The following SEC24D variants were observed in gnomAD, a reference collection of about 807,000 sequenced individuals.
The protein encoded by SEC24D is protein transport protein Sec24D.
A neutral mutation model predicts 116.9 loss-of-function variants in SEC24D; 69 were observed. The ratio of observed to expected loss-of-function variants is 0.59; its 90% CI spans 0.49 to 0.72. The LOEUF is 0.72. Among genes scored for constraint, SEC24D ranks in the 30% least tolerant of loss-of-function variants. The pLI is 0.00. For synonymous variants in SEC24D, 405 were observed against 442.8 expected (o/e 0.91, Z 1.07); for missense variants, 1,131 against 1,264.1 (o/e 0.89, Z 1.60).
In SEC24D at chr4:118,768,165, C is replaced by T. The variant is rs769102051; in HGVS notation, c.1180+8G>A. The T allele has an allele frequency of 1.2e-6, 2 of 1,607,734 alleles. No individual in the cohort carries two copies. The highest frequency in any genetic ancestry group is 1.7e-6 in the Non-Finnish European group (2 of 1,177,560). The stretch of plus-strand genomic sequence containing the variant: ...ATTTCACAAAGAGCTTTTAATGGCA[C>T]TGCTTACCATCATTCACACAGTTGC... On this transcript the variant is annotated splice_region_variant and intron_variant, in intron 9 of 22. Transcript: ENST00000280551.
At chr4:118,820,561 C>T (rs1381277937) in intron 3 of SEC24D, among the ~76,000 whole-genome samples, 1 of 152,094 alleles carries the variant, frequency 6.6e-6, no homozygotes, top group Non-Finnish European at 1.5e-5. Context: ...TCCTCCTGCC[C>T]TAGTGTAGAA....
At chr4:118,797,102 A>AT (rs1729210537) in intron 8 of SEC24D, among the ~76,000 whole-genome samples, 1 of 152,208 alleles carries the variant, frequency 6.6e-6, no homozygotes. Context: ...TCTAGATCAA[A>AT]TACCCACTGG....
rs374007941 is a variant in SEC24D, at chr4:118,768,207, T to C, written c.1146A>G (p.Arg382=). Residue 382 remains arginine (R), a synonymous_variant, in exon 9 of 23, where the codon AGA becomes AGG. Coordinates refer to ENST00000280551, the MANE Select transcript of SEC24D (RefSeq NM_014822.4). ...PFMQFIEGGR[R]YQCGFCNCVN... is the part of the protein sequence containing the mutation. ...CACAGTTGCAAAATCCACACTGATA[T>C]CTCCTTCCTCCTTCGATGAACTGCA... 16 of 1,613,904 alleles carry C rather than the reference T, an allele frequency of 9.9e-6. No individual in the cohort carries two copies. Among genetic ancestry groups the C allele is most frequent in the Non-Finnish European group, 1.4e-5 (16 of 1,179,842 alleles).
chr4:118,767,697 C>T lies in SEC24D; in HGVS notation c.1180+476G>A, dbSNP rs1304888001. On this transcript the variant is annotated intron_variant, in intron 9 of 22. Transcript: ENST00000280551. Reference sequence around the variant, plus strand: ...TTAATAATGTTCCTTCCTCCTTAAACAATCCAACATTTACATCGGAGTGAA... The same window carrying T: ...TTAATAATGTTCCTTCCTCCTTAAATAATCCAACATTTACATCGGAGTGAA... Among the ~76,000 whole-genome samples the T allele has an allele frequency of 2.0e-5, 3 of 151,794 alleles. No homozygotes were observed. The East Asian group carries it at 5.8e-4, about 29-fold the overall frequency.
intron 8 of SEC24D, among the ~76,000 whole-genome samples, chr4:118,773,926 A>T (rs1428577592): frequency 6.6e-6 from 1 of 152,174 alleles, no homozygotes; most frequent in Non-Finnish European, 1.5e-5. Flanking sequence ...AGAATTTTTT[A>T]AATACATGTG....
chr4:118,775,970 C>T (rs1728112389), intron 8 of SEC24D, among the ~76,000 whole-genome samples: 1 of 152,134 alleles, frequency 6.6e-6, no homozygotes, highest in Non-Finnish European at 1.5e-5. Context: ...AAAAACTTCA[C>T]TCCTTAACAG....
chr4:118,792,479 G>A (rs553908073), intron 8 of SEC24D, among the ~76,000 whole-genome samples: 6 of 152,252 alleles, frequency 3.9e-5, no homozygotes, highest in Non-Finnish European at 8.8e-5. Flanking sequence ...AAGAAAGAGA[G>A]ATCAGATTGT....
chr4:118,751,807 T>TGTCC (rs1420825906), intron 13 of SEC24D, among the ~76,000 whole-genome samples, 189 bp downstream of exon 13: 2 of 152,234 alleles, frequency 1.3e-5, no homozygotes, highest in Admixed American at 6.5e-5. Flanking sequence ...AGTGCTGGAA[T>TGTCC]GGACACACTG....
At chr4:118,791,525 ACTCCCTC>A (rs917253189) in intron 8 of SEC24D, among the ~76,000 whole-genome samples, 2 of 151,630 alleles carry the variant, frequency 1.3e-5, no homozygotes, top group African/African-American at 4.9e-5. Flanking sequence ...CCTACTCCCT[ACTCCCTC>A]CTCCCTCCTC....
At position 118,744,888 on chromosome 4, in the gene SEC24D, C is replaced by T. The variant is rs2110447104; in HGVS notation, c.1824+56G>A. ...TTTTTCTTACATGAAGAACACACTGCCTCTTTAACTCCTCTTAATAATTGA... is the reference window on the plus strand; with the variant it reads ...TTTTTCTTACATGAAGAACACACTGTCTCTTTAACTCCTCTTAATAATTGA... On this transcript the variant is annotated intron_variant, in intron 14 of 22. Coordinates refer to ENST00000280551, the MANE Select transcript of SEC24D (RefSeq NM_014822.4). 5 of 932,844 alleles carry T rather than the reference C, an allele frequency of 5.4e-6. No homozygotes were observed. The South Asian group carries it at 7.1e-5, about 13-fold the overall frequency. The allele number at this position is 932,844 out of a possible 1,614,324, so 57.8% of individuals were successfully genotyped here.
intron 8 of SEC24D, among the ~76,000 whole-genome samples, chr4:118,774,156 C>T (rs916403610): frequency 1.4e-4 from 21 of 151,920 alleles, no homozygotes; most frequent in African/African-American, 5.1e-4. Context: ...TTTTAGTTTT[C>T]TTAGTTTGTT....
chr4:118,825,701 A>G, intron 2 of SEC24D: 1 of 412,018 alleles, frequency 2.4e-6, no homozygotes, highest in Non-Finnish European at 4.7e-6. Flanking sequence ...AAAAAAAGAG[A>G]AAAACTTCAG....
intron 8 of SEC24D, among the ~76,000 whole-genome samples, chr4:118,780,113 T>C (rs1728329817): frequency 6.6e-6 from 1 of 152,242 alleles, no homozygotes; most frequent in Non-Finnish European, 1.5e-5. Flanking sequence ...TCAGTTCTGC[T>C]CTGATGTTAG....
chr4:118,829,433 GC>G (rs576087078), intron 2 of SEC24D, among the ~76,000 whole-genome samples: 107 of 152,246 alleles, frequency 7.0e-4, no homozygotes, highest in African/African-American at 2.6e-3. Context: ...GATCATTTGA[GC>G]CCAGGAGTTC....
chr4:118,820,182 T>A (rs866851832), intron 3 of SEC24D, among the ~76,000 whole-genome samples: 6,380 of 150,144 alleles, frequency 0.042, 170 homozygotes, highest in Non-Finnish European at 0.063. Context: ...GTTTAATTTT[T>A]TTTTTTTTTT....
At chr4:118,823,347 T>C (rs1210240914) in intron 3 of SEC24D, among the ~76,000 whole-genome samples, 3 of 152,152 alleles carry the variant, frequency 2.0e-5, no homozygotes, top group East Asian at 1.9e-4. Flanking sequence ...AAATGCCCTG[T>C]AGGAGAATTA....
intron 13 of SEC24D, among the ~76,000 whole-genome samples, chr4:118,750,261 G>A (rs1472438157): frequency 3.3e-5 from 5 of 152,154 alleles, no homozygotes; most frequent in Admixed American, 6.5e-5. Context: ...ATCATAATTA[G>A]TATCAAATTT....
At chr4:118,772,837 G>A (rs571104884) in intron 8 of SEC24D, among the ~76,000 whole-genome samples, 1 of 152,100 alleles carries the variant, frequency 6.6e-6, no homozygotes, top group Non-Finnish European at 1.5e-5. Context: ...CCTATCACAG[G>A]CATGGTGCTG....
intron 18 of SEC24D, 143 bp downstream of exon 18, chr4:118,739,006 T>C: frequency 4.1e-6 from 3 of 731,950 alleles, no homozygotes; most frequent in South Asian, 1.7e-5. Flanking sequence ...GAATGCTGAC[T>C]ATTCTCTCTC....
Sources: allele counts gnomAD v4.1 joint callset (sites outside exome capture counted in the v4.1 genomes callset), GRCh38; gene constraint gnomAD v4.1.1; transcripts MANE v1.5; gene names NCBI Gene and HGNC (gene_info 2026-07-23, HGNC 2026-07-21).